Variants in RAB31 observed in about 807,000 individuals in gnomAD.
RAB31 encodes ras-related protein Rab-31.
RAB31 carries 21 observed loss-of-function variants against 25.6 expected under a neutral mutation model. The ratio of observed to expected loss-of-function variants is 0.82; its 90% CI spans 0.58 to 1.18. RAB31 has a LOEUF of 1.18. RAB31 is among the 50% of genes most tolerant of loss of function. RAB31 has a pLI of 0.00. For missense variants in RAB31, 196 were observed against 250.1 expected (o/e 0.78, Z 1.46); for synonymous variants, 87 against 84.0 (o/e 1.04, Z -0.20).
At chr18:9,759,125 A>G (rs745398199) in intron 1 of RAB31, among the ~76,000 whole-genome samples, 5 of 152,120 alleles carry the variant, frequency 3.3e-5, no homozygotes, top group Non-Finnish European at 7.4e-5. Flanking sequence ...GGCCTGAAAC[A>G]TGGCGGCTCG....
At chr18:9,806,287 A>C (rs2068540810) in intron 3 of RAB31, among the ~76,000 whole-genome samples, 1 of 152,216 alleles carries the variant, frequency 6.6e-6, no homozygotes, top group African/African-American at 2.4e-5. Flanking sequence ...CCCTGGTTTC[A>C]CAGGGTTATT....
intron 5 of RAB31, among the ~76,000 whole-genome samples, chr18:9,829,408 G>A (rs1051661949): frequency 2.0e-5 from 3 of 152,236 alleles, no homozygotes; most frequent in Admixed American, 1.3e-4. Flanking sequence ...CATATTCATT[G>A]CTGTCTACTG....
chr18:9,768,267 G>A (rs1303049981), intron 1 of RAB31, among the ~76,000 whole-genome samples: 1 of 152,174 alleles, frequency 6.6e-6, no homozygotes, highest in East Asian at 1.9e-4. Context: ...CTAGATCCTT[G>A]AGGAATTGCC....
intron 1 of RAB31, among the ~76,000 whole-genome samples, chr18:9,745,645 G>C (rs58463462): frequency 0.026 from 3,963 of 152,222 alleles, 154 homozygotes; most frequent in East Asian, 0.15. Flanking sequence ...AAAACGGATC[G>C]ATGTAATACA....
chr18:9,847,161 C>T (rs759566071), intron 6 of RAB31, among the ~76,000 whole-genome samples: 6 of 152,184 alleles, frequency 3.9e-5, no homozygotes, highest in Non-Finnish European at 8.8e-5. Context: ...AGTTTGGGCT[C>T]GAACTCATTA....
At chr18:9,838,062 T>G (rs1003022043) in intron 5 of RAB31, among the ~76,000 whole-genome samples, 5 of 152,222 alleles carry the variant, frequency 3.3e-5, no homozygotes, top group Admixed American at 1.3e-4. Flanking sequence ...TTAAGAAACA[T>G]TGATATAACA....
chr18:9,806,164 G>A (rs185475287), intron 3 of RAB31, among the ~76,000 whole-genome samples: 3 of 141,814 alleles, frequency 2.1e-5, no homozygotes, highest in African/African-American at 8.0e-5. Context: ...GCAACACAGA[G>A]AGACTCCGTC....
chr18:9,734,835 C>A, intron 1 of RAB31: 1 of 214,284 alleles, frequency 4.7e-6, no homozygotes, highest in South Asian at 5.9e-5. Flanking sequence ...GGCTGCAAGC[C>A]ACCAGCACAC....
chr18:9,755,957 A>AT (rs2068258559), intron 1 of RAB31, among the ~76,000 whole-genome samples: 1 of 152,190 alleles, frequency 6.6e-6, no homozygotes, highest in Non-Finnish European at 1.5e-5. Flanking sequence ...ATATTTTAGC[A>AT]TTTTTCTCCA....
intron 1 of RAB31, among the ~76,000 whole-genome samples, chr18:9,726,993 A>G (rs1172564097): frequency 1.3e-5 from 2 of 152,198 alleles, no homozygotes; most frequent in Non-Finnish European, 2.9e-5. Context: ...AAGTTGTAGC[A>G]GATGCTTACT....
chr18:9,739,747 G>A (rs1336666925), intron 1 of RAB31, among the ~76,000 whole-genome samples: 1 of 152,102 alleles, frequency 6.6e-6, no homozygotes, highest in Non-Finnish European at 1.5e-5. Context: ...GGCTTGTGGG[G>A]TCATCACATT....
intron 5 of RAB31, among the ~76,000 whole-genome samples, chr18:9,841,753 C>T (rs1361978533): frequency 5.3e-5 from 8 of 151,796 alleles, no homozygotes; most frequent in South Asian, 2.1e-4. Context: ...GAGGGAGGGA[C>T]GGGGAAACAG....
In RAB31 at chr18:9,774,891, A is replaced by G. The variant is rs539368003; in HGVS notation, c.40-387A>G. 4.5e-4 allele frequency: 236 copies of G among 520,334 alleles called. 2 individuals are homozygous for G. The highest frequency in any genetic ancestry group is 3.2e-3 in the South Asian group (231 of 71,600). The allele number at this position is 520,334 out of a possible 1,614,324, so 32.2% of individuals were successfully genotyped here. ...AACAGATTACGTGTCTTTTGAATGC[A>G]AGGTTTTGAACAGAATGAATTCTGT... On this transcript the variant is annotated intron_variant, in intron 1 of 6. Coordinates refer to ENST00000578921, the MANE Select transcript of RAB31 (RefSeq NM_006868.4).
chr18:9,770,603 A>G (rs1304285389), intron 1 of RAB31, among the ~76,000 whole-genome samples: 4 of 152,240 alleles, frequency 2.6e-5, no homozygotes, highest in Non-Finnish European at 5.9e-5. Context: ...GATATCGACT[A>G]TACAAATGAT....
chr18:9,838,676 GC>G (rs1326549030), intron 5 of RAB31, among the ~76,000 whole-genome samples: 2 of 152,208 alleles, frequency 1.3e-5, no homozygotes, highest in African/African-American at 4.8e-5. Flanking sequence ...AAATGCTGGA[GC>G]CCGCAAGAAT....
intron 5 of RAB31, among the ~76,000 whole-genome samples, chr18:9,819,512 C>T (rs144088535): frequency 2.0e-5 from 3 of 152,206 alleles, no homozygotes; most frequent in East Asian, 3.9e-4. Flanking sequence ...AGTCCTTCAA[C>T]GTTGTTCTCT....
chr18:9,710,624 G>A (rs1481187028), intron 1 of RAB31, among the ~76,000 whole-genome samples: 2 of 150,580 alleles, frequency 1.3e-5, no homozygotes, highest in African/African-American at 2.5e-5. Flanking sequence ...AGGCTGAGGC[G>A]GGGGGATCAT....
intron 1 of RAB31, chr18:9,723,518 G>A (rs537059606): frequency 6.6e-6 from 1 of 152,142 alleles, no homozygotes; most frequent in South Asian, 2.1e-4. Flanking sequence ...ATTAATCTTA[G>A]CAAGACAATT....
chr18:9,752,801 T>C, intron 1 of RAB31, among the ~76,000 whole-genome samples: 1 of 152,234 alleles, frequency 6.6e-6, no homozygotes, highest in East Asian at 1.9e-4. Flanking sequence ...GGATGTGCAA[T>C]CAAAGAAGTT....
Sources: gnomAD v4.1 joint callset for allele counts (sites outside exome capture counted in the v4.1 genomes callset) on GRCh38, gnomAD v4.1.1 for gene constraint, MANE v1.5 for transcripts, NCBI Gene and HGNC (gene_info 2026-07-23, HGNC 2026-07-21) for gene names.